BRINP2: variants seen among roughly 807,000 people sequenced by gnomAD.
BRINP2 encodes BMP/retinoic acid inducible neural specific 2, also known as BMP/retinoic acid-inducible neural-specific protein 2.
Under a neutral mutation model 69.2 loss-of-function variants are expected in BRINP2, and 21 were observed. That is an observed-to-expected ratio of 0.30 (90% CI 0.22 to 0.44). The LOEUF (loss-of-function observed/expected upper bound fraction) is 0.44. Ranked by LOEUF, BRINP2 falls within the 20% of genes least tolerant of loss-of-function variation. BRINP2 has a pLI of 1.00. For missense variants in BRINP2, 877 were observed against 986.0 expected (o/e 0.89, Z 1.48); for synonymous variants, 380 against 394.1 (o/e 0.96, Z 0.42).
intron 1 of BRINP2, among the ~76,000 whole-genome samples, chr1:177,195,927 C>G (rs1204795483): frequency 2.0e-5 from 3 of 152,146 alleles, no homozygotes; most frequent in Non-Finnish European, 4.4e-5. Flanking sequence ...TTGGTGTACT[C>G]CCCTCTCTGG....
intron 2 of BRINP2, among the ~76,000 whole-genome samples, chr1:177,230,417 A>T (rs1649832314): frequency 6.6e-6 from 1 of 152,252 alleles, no homozygotes; most frequent in Non-Finnish European, 1.5e-5. Flanking sequence ...TGCTGCTTAT[A>T]AGTTGAAGAC....
chr1:177,200,466 C>T (rs982520731), intron 1 of BRINP2, among the ~76,000 whole-genome samples: 3 of 152,040 alleles, frequency 2.0e-5, no homozygotes, highest in South Asian at 4.2e-4. Flanking sequence ...CCCATCTGAC[C>T]CCATTCCTCC....
At chr1:177,223,773 G>A (rs1649611609) in intron 1 of BRINP2, among the ~76,000 whole-genome samples, 1 of 152,048 alleles carries the variant, frequency 6.6e-6, no homozygotes, top group Non-Finnish European at 1.5e-5. Flanking sequence ...CTGATTTTAA[G>A]TCATTCCTGA....
At chr1:177,175,409 CA>C (rs533974857) in intron 1 of BRINP2, among the ~76,000 whole-genome samples, 114 of 152,290 alleles carry the variant, frequency 7.5e-4, no homozygotes, top group Admixed American at 1.6e-3. Flanking sequence ...AAGGGCCCAC[CA>C]GGAGAGAGCT....
intron 4 of BRINP2, among the ~76,000 whole-genome samples, chr1:177,268,042 AGTTTTCACATT>A (rs1651182033): frequency 6.6e-6 from 1 of 152,096 alleles, no homozygotes; most frequent in African/African-American, 2.4e-5. Context: ...CTTCTCTTCA[AGTTTTCACATT>A]TACACAACTT....
At chr1:177,180,910 G>T (rs1051727172) in intron 1 of BRINP2, among the ~76,000 whole-genome samples, 3 of 152,152 alleles carry the variant, frequency 2.0e-5, no homozygotes, top group African/African-American at 4.8e-5. Context: ...AATCATTGTT[G>T]TTCTCCCTCG....
At chr1:177,268,372 A>T (rs919547589) in intron 4 of BRINP2, among the ~76,000 whole-genome samples, 4 of 152,192 alleles carry the variant, frequency 2.6e-5, no homozygotes, top group African/African-American at 9.7e-5. Context: ...GCTGGCTTCC[A>T]GCACATTCAT....
At chr1:177,192,235 G>C (rs1571889291) in intron 1 of BRINP2, among the ~76,000 whole-genome samples, 1 of 152,122 alleles carries the variant, frequency 6.6e-6, no homozygotes, top group Non-Finnish European at 1.5e-5. Context: ...CTAAAGTTAA[G>C]AGTGTTCTGA....
At chr1:177,228,790 A>G (rs746346137) in intron 1 of BRINP2, among the ~76,000 whole-genome samples, 4 of 152,192 alleles carry the variant, frequency 2.6e-5, no homozygotes, top group Non-Finnish European at 5.9e-5. Flanking sequence ...CAGAGATTTA[A>G]AAAGGTGACT....
chr1:177,222,620 C>T (rs1279497112), intron 1 of BRINP2, among the ~76,000 whole-genome samples: 1 of 151,794 alleles, frequency 6.6e-6, no homozygotes, highest in Non-Finnish European at 1.5e-5. Flanking sequence ...TCAGGCCAGA[C>T]ACCTTTTAAA....
At chr1:177,200,364 T>G (rs1345731703) in intron 1 of BRINP2, among the ~76,000 whole-genome samples, 1 of 126,578 alleles carries the variant, frequency 7.9e-6, no homozygotes, top group Non-Finnish European at 1.6e-5. Context: ...CAGAGCAACA[T>G]AGCAGCCACA....
At position 177,281,074 on chromosome 1, in the gene BRINP2, A is replaced by G. The variant is rs1284161284; in HGVS notation, c.1898A>G (p.Asn633Ser). ...CAAAACTGGACTATCACCTTGGGGA[A>G]TAGGTGGAAGACTTTCTTTGAGACA... ...QCQNWTITLG[N>S]RWKTFFETVH... Residue 633 changes from asparagine to serine, a missense_variant, in exon 8 of 8, where the codon AAT becomes AGT. This residue lies in a region of BRINP2 where 225 missense variants were observed against 218.7 expected (regional missense o/e 1.03). Transcript: ENST00000361539. 2.5e-6 allele frequency: 4 copies of G among 1,614,214 alleles called. No individual in the cohort carries two copies. In the Admixed American group the frequency reaches 5.0e-5, roughly 20 times the overall value.
chr1:177,258,431 G>A (rs929201131), intron 4 of BRINP2, among the ~76,000 whole-genome samples: 2 of 152,198 alleles, frequency 1.3e-5, no homozygotes, highest in African/African-American at 4.8e-5. Flanking sequence ...ATACAAGAAT[G>A]AACAAAAGCT....
chr1:177,193,059 G>C (rs1648638599), intron 1 of BRINP2, among the ~76,000 whole-genome samples: 1 of 152,208 alleles, frequency 6.6e-6, no homozygotes, highest in Admixed American at 6.5e-5. Flanking sequence ...CTTCAGAGGA[G>C]GAAACCCACC....
chr1:177,271,429 T>A (rs1413613542), intron 4 of BRINP2, among the ~76,000 whole-genome samples: 4 of 152,206 alleles, frequency 2.6e-5, no homozygotes, highest in Non-Finnish European at 5.9e-5. Context: ...TAGACTCTAT[T>A]TTCTGCAGTC....
intron 1 of BRINP2, 90 bp from the exon 2 acceptor site, chr1:177,229,711 C>T (rs1428440345): frequency 7.8e-6 from 7 of 896,518 alleles, no homozygotes; most frequent in African/African-American, 6.9e-5. Flanking sequence ...AAAGGATTTC[C>T]GGAATGGGCC....
At chr1:177,195,650 G>A (rs978435108) in intron 1 of BRINP2, among the ~76,000 whole-genome samples, 1 of 151,504 alleles carries the variant, frequency 6.6e-6, no homozygotes, top group African/African-American at 2.4e-5. Context: ...CAACACCAAC[G>A]CTGGCAAGTG....
chr1:177,256,390 G>A, intron 3 of BRINP2: 3 of 985,396 alleles, frequency 3.0e-6, no homozygotes, highest in Non-Finnish European at 3.6e-6. Context: ...CCCAGTTTTC[G>A]CTCCGCTGAG....
intron 1 of BRINP2, among the ~76,000 whole-genome samples, chr1:177,220,819 T>C (rs576773399): frequency 4.7e-4 from 71 of 152,194 alleles, no homozygotes; most frequent in African/African-American, 1.7e-3. Flanking sequence ...GAGTTGTGGA[T>C]TGGCCCATGG....
Sources: allele counts gnomAD v4.1 joint callset (sites outside exome capture counted in the v4.1 genomes callset), GRCh38; gene constraint gnomAD v4.1.1; regional missense constraint gnomAD v4.1.1; transcripts MANE v1.5; gene names NCBI Gene and HGNC (gene_info 2026-07-23, HGNC 2026-07-21).